Variants in LRFN5 observed in about 807,000 individuals in gnomAD.
LRFN5 encodes the protein leucine rich repeat and fibronectin type III domain containing 5.
LRFN5 carries 24 observed loss-of-function variants against 45.6 expected under a neutral mutation model. That is an observed-to-expected ratio of 0.53 (90% confidence interval 0.38 to 0.74). The LOEUF is 0.74. LRFN5 is among the 30% of genes least tolerant of loss of function. The probability of loss-of-function intolerance (pLI) is 0.00; values close to 1 mark genes in which losing one functional copy is unlikely to be tolerated. For synonymous variants in LRFN5, 340 were observed against 313.8 expected (o/e 1.08, Z -0.88); for missense variants, 776 against 861.5 (o/e 0.90, Z 1.24).
At chr14:41,683,213 A>G (rs1021220589) in intron 1 of LRFN5, among the ~76,000 whole-genome samples, 2 of 152,210 alleles carry the variant, frequency 1.3e-5, no homozygotes, top group Non-Finnish European at 2.9e-5. Context: ...AATGAAGGAA[A>G]AAATCCATAT....
At chr14:41,832,651 G>T (rs1293441022) in intron 2 of LRFN5, among the ~76,000 whole-genome samples, 1 of 151,984 alleles carries the variant, frequency 6.6e-6, no homozygotes, top group Non-Finnish European at 1.5e-5. Flanking sequence ...CCTTATATTC[G>T]CTATGGGTTC....
At chr14:41,861,951 T>C (rs1889678946) in intron 2 of LRFN5, among the ~76,000 whole-genome samples, 1 of 152,110 alleles carries the variant, frequency 6.6e-6, no homozygotes, top group South Asian at 2.1e-4. Flanking sequence ...AGGGACCTGG[T>C]GTGAGGTGAT....
chr14:41,796,145 A>C (rs1887121917), intron 2 of LRFN5, among the ~76,000 whole-genome samples: 1 of 152,040 alleles, frequency 6.6e-6, no homozygotes, highest in Non-Finnish European at 1.5e-5. Context: ...ATATTTTGTG[A>C]ATTCAAAAAT....
chr14:41,805,660 C>A (rs72668858), intron 2 of LRFN5, among the ~76,000 whole-genome samples: 2,214 of 150,088 alleles, frequency 0.015, 50 homozygotes, highest in African/African-American at 0.051. Context: ...ATGATGAGTT[C>A]ATGTCCTTTG....
intron 1 of LRFN5, among the ~76,000 whole-genome samples, chr14:41,691,418 CAACTT>C (rs1189255972): frequency 2.6e-5 from 4 of 151,980 alleles, no homozygotes; most frequent in Admixed American, 2.0e-4. Flanking sequence ...ATTTCTAACT[CAACTT>C]TACAGTTGTC....
intron 1 of LRFN5, among the ~76,000 whole-genome samples, chr14:41,712,268 A>G (rs1326208066): frequency 1.3e-5 from 2 of 148,308 alleles, no homozygotes; most frequent in African/African-American, 5.0e-5. Context: ...TTTCATTAAG[A>G]AAAAGGTTTT....
At chr14:41,652,786 A>T (rs1452969313) in intron 1 of LRFN5, among the ~76,000 whole-genome samples, 1 of 152,182 alleles carries the variant, frequency 6.6e-6, no homozygotes, top group East Asian at 1.9e-4. Flanking sequence ...TCAACAGTGT[A>T]TAAGCATTCC....
chr14:41,631,603 G>A (rs530150093), intron 1 of LRFN5, among the ~76,000 whole-genome samples: 1 of 152,258 alleles, frequency 6.6e-6, no homozygotes, highest in African/African-American at 2.4e-5. Context: ...AAGATATCAA[G>A]TGTGGAATTT....
chr14:41,620,970 C>A (rs547335110), intron 1 of LRFN5, among the ~76,000 whole-genome samples: 1 of 61,322 alleles, frequency 1.6e-5, no homozygotes, highest in South Asian at 3.6e-4. Flanking sequence ...TTGATACATA[C>A]ATTAATAAAA....
chr14:41,621,026 T>C (rs1888116248), intron 1 of LRFN5, among the ~76,000 whole-genome samples: 1 of 152,100 alleles, frequency 6.6e-6, no homozygotes, highest in Non-Finnish European at 1.5e-5. Flanking sequence ...AATTTACTTA[T>C]ATGTACCAAT....
intron 1 of LRFN5, among the ~76,000 whole-genome samples, chr14:41,672,128 A>G (rs1402174562): frequency 2.0e-5 from 3 of 152,166 alleles, no homozygotes; most frequent in Non-Finnish European, 4.4e-5. Flanking sequence ...TTTATTTTTT[A>G]AATTGGAATA....
At chr14:41,643,962 C>G (rs920083281) in intron 1 of LRFN5, among the ~76,000 whole-genome samples, 4 of 152,174 alleles carry the variant, frequency 2.6e-5, no homozygotes, top group Non-Finnish European at 5.9e-5. Context: ...AGAGAAAGCT[C>G]TGTAACCAAT....
intron 1 of LRFN5, among the ~76,000 whole-genome samples, chr14:41,728,439 C>CT: frequency 6.6e-6 from 1 of 152,248 alleles, no homozygotes; most frequent in Middle Eastern, 3.4e-3. Context: ...ACACACACAT[C>CT]TTTGTCTTTC....
Position 41,887,812 on chromosome 14 carries a change from A to C in LRFN5, c.1187A>C (p.Asp396Ala). The change falls in exon 3 of 6, where the codon GAT becomes GCT. Residue 396 changes from aspartate to alanine, a missense_variant. Asp to Ala is a moderately radical substitution (Grantham distance 126). Around this residue, in one of 2 missense-constraint regions of LRFN5, gnomAD observed 465 missense variants for 456.4 expected, o/e 1.02. Transcript: ENST00000298119. This position sits in a 1 kb window ranked among gnomAD's most constrained non-coding sequence, Gnocchi z 4.8. ...CATGAGCCTGATCCTGGTTCTTCAGATATCTCAACTTCTACCAAGTCAGGT... is the reference window on the plus strand; with the variant it reads ...CATGAGCCTGATCCTGGTTCTTCAGCTATCTCAACTTCTACCAAGTCAGGT... ...HIHEPDPGSS[D>A]ISTSTKSGSN... 6.2e-7 allele frequency: 1 copy of C among 1,614,026 alleles called. No individual in the cohort carries two copies. Among genetic ancestry groups the C allele is most frequent in the Non-Finnish European group, 8.5e-7 (1 of 1,179,958 alleles).
Position 41,829,138 on chromosome 14 carries a change from A to T in LRFN5, c.-20-57468A>T, listed in dbSNP as rs77240474. ...TCCTAGAGTACACTGCTTCTTCTTT[A>T]TATGTCATTTGCATAATTACATGTT... On this transcript the variant is annotated intron_variant, in intron 2 of 5. Coordinates refer to ENST00000298119, the MANE Select transcript of LRFN5 (RefSeq NM_152447.5). Among the ~76,000 whole-genome samples the T allele has an allele frequency of 1.7e-3, 258 of 152,064 alleles. 6 individuals are homozygous for T. In the East Asian group the frequency reaches 0.047, roughly 28 times the overall value.
At chr14:41,632,134 G>A (rs562561164) in intron 1 of LRFN5, among the ~76,000 whole-genome samples, 5 of 151,928 alleles carry the variant, frequency 3.3e-5, no homozygotes, top group Admixed American at 6.6e-5. Context: ...AAGGAAGTAC[G>A]TATAAAGGGT....
At chr14:41,612,588 TA>T (rs375283852) in intron 1 of LRFN5, among the ~76,000 whole-genome samples, 1 of 152,148 alleles carries the variant, frequency 6.6e-6, no homozygotes, top group African/African-American at 2.4e-5. Context: ...CACATGTGCA[TA>T]ACTCTGTCTT....
chr14:41,757,015 A>G (rs866036881), intron 1 of LRFN5, among the ~76,000 whole-genome samples: 4 of 152,256 alleles, frequency 2.6e-5, no homozygotes, highest in Middle Eastern at 3.4e-3. Context: ...AGTTTGCTGG[A>G]GGTCCACTCC....
intron 2 of LRFN5, among the ~76,000 whole-genome samples, chr14:41,870,306 G>C (rs1436179728): frequency 6.6e-6 from 1 of 152,066 alleles, no homozygotes; most frequent in African/African-American, 2.4e-5. Flanking sequence ...TCCTTCAAAC[G>C]ATTTGCCCAA....
Sources: gnomAD v4.1 joint callset for allele counts (sites outside exome capture counted in the v4.1 genomes callset) on GRCh38, gnomAD v4.1.1 for gene constraint, gnomAD v4.1.1 regional missense constraint, Gnocchi (gnomAD v3.1) non-coding constraint, MANE v1.5 for transcripts, NCBI Gene and HGNC (gene_info 2026-07-23, HGNC 2026-07-21) for gene names.